LMTK2: variants seen among roughly 807,000 people sequenced by gnomAD.
The protein encoded by LMTK2 is serine/threonine-protein kinase LMTK2.
LMTK2 carries 37 observed loss-of-function variants against 127.5 expected under a neutral mutation model. The ratio of observed to expected loss-of-function variants is 0.29; its 90% CI spans 0.22 to 0.38. The LOEUF (loss-of-function observed/expected upper bound fraction) is 0.38. Ranked by LOEUF, LMTK2 falls within the 10% of genes least tolerant of loss-of-function variation. The pLI, the probability that LMTK2 is intolerant of heterozygous loss-of-function variation, is 1.00. For missense variants in LMTK2, 1,694 were observed against 1,920.3 expected (o/e 0.88, Z 2.20); for synonymous variants, 819 against 810.1 (o/e 1.01, Z -0.19).
Position 98,193,658 on chromosome 7 carries a change from A to G in LMTK2, c.3193A>G (p.Ser1065Gly). ...EPATTGDGGH[S>G]GLPPNPVIVI... ...AGCCACCACGGGCGATGGCGGCCACAGCGGTCTGCCTCCCAACCCGGTCAT... is the reference window on the plus strand; with the variant it reads ...AGCCACCACGGGCGATGGCGGCCACGGCGGTCTGCCTCCCAACCCGGTCAT... The change falls in exon 11 of 14, where the codon AGC becomes GGC. Residue 1065 changes from serine (S) to glycine (G), a missense_variant. Around this residue, in one of 8 missense-constraint regions of LMTK2, gnomAD observed 65 missense variants for 116.5 expected, o/e 0.56. Coordinates refer to ENST00000297293, the MANE Select transcript of LMTK2 (RefSeq NM_014916.4). This position sits in a 1 kb window ranked among gnomAD's most constrained non-coding sequence, Gnocchi z 4.1. 6.2e-7 allele frequency: 1 copy of G among 1,613,756 alleles called. No individual in the cohort carries two copies. Among genetic ancestry groups the G allele is most frequent in the South Asian group, 1.1e-5 (1 of 91,062 alleles).
rs981264698 is a variant in LMTK2 at position 98,171,765 on chromosome 7, G to A, written c.791+91G>A. Reference sequence around the variant, plus strand: ...GAGTTTGTGAAACTTAAGGAGGACAGGAGGTGGCAGAATGAACCCAGCTCA... The same window carrying A: ...GAGTTTGTGAAACTTAAGGAGGACAAGAGGTGGCAGAATGAACCCAGCTCA... On this transcript the variant is annotated intron_variant, in intron 7 of 13. Transcript: ENST00000297293. This position sits in a 1 kb window ranked among gnomAD's most constrained non-coding sequence, Gnocchi z 5.1. The A allele has an allele frequency of 2.5e-5, 34 of 1,386,458 alleles. No homozygotes were observed. The highest frequency in any genetic ancestry group is 3.0e-5 in the Admixed American group (1 of 33,780). The allele number at this position is 1,386,458 out of a possible 1,614,324, so 85.9% of individuals were successfully genotyped here. A position where few individuals can be genotyped will look rare whatever the true frequency, so the allele number is the denominator to read the frequency against.
At chr7:98,141,628 G>A in intron 3 of LMTK2, 87 bp downstream of exon 3, 1 of 1,249,414 alleles carries the variant, frequency 8.0e-7, no homozygotes, top group East Asian at 2.3e-5. Flanking sequence ...ATATTGGACT[G>A]CCCATCTCCT....
chr7:98,155,007 A>G (rs1338811125), intron 5 of LMTK2, 131 bp downstream of exon 5: 7 of 611,598 alleles, frequency 1.1e-5, no homozygotes, highest in Non-Finnish European at 2.0e-5. Flanking sequence ...CATAAGACCT[A>G]AAATGTCCAG....
chr7:98,157,535 G>A (rs1796945234), intron 5 of LMTK2, among the ~76,000 whole-genome samples: 1 of 151,144 alleles, frequency 6.6e-6, no homozygotes, highest in Non-Finnish European at 1.5e-5. Flanking sequence ...ATTGTTCATA[G>A]CAGCTTTATT....
intron 1 of LMTK2, among the ~76,000 whole-genome samples, chr7:98,113,762 G>A (rs1421363571): frequency 6.6e-6 from 1 of 152,166 alleles, no homozygotes; most frequent in African/African-American, 2.4e-5. Flanking sequence ...TGAAGATACT[G>A]TTGCAGAAAA....
chr7:98,205,422 A>T (rs1238301989), intron 13 of LMTK2, 42 bp from the exon 14 acceptor site: 18 of 1,613,016 alleles, frequency 1.1e-5, no homozygotes, highest in East Asian at 2.2e-5. Context: ...TGATCATTTT[A>T]AAAACCCAGC....
intron 1 of LMTK2, among the ~76,000 whole-genome samples, chr7:98,131,909 T>A (rs958209622): frequency 1.2e-4 from 18 of 152,318 alleles, no homozygotes; most frequent in African/African-American, 4.1e-4. Flanking sequence ...GCAGCTCTAC[T>A]TCCTGAACCG....
intron 5 of LMTK2, among the ~76,000 whole-genome samples, chr7:98,155,905 A>T (rs1195109592): frequency 6.6e-6 from 1 of 152,178 alleles, no homozygotes; most frequent in Non-Finnish European, 1.5e-5. Flanking sequence ...TTGCGTTGTG[A>T]TAGACCTTGG....
At chr7:98,169,904 ACAGCAATGC>A (rs1282617500) in intron 6 of LMTK2, among the ~76,000 whole-genome samples, 1 of 152,214 alleles carries the variant, frequency 6.6e-6, no homozygotes, top group Non-Finnish European at 1.5e-5. Flanking sequence ...TGTATGAAGG[ACAGCAATGC>A]CAGGTGCACG....
At chr7:98,122,724 G>GTA (rs1380854735) in intron 1 of LMTK2, among the ~76,000 whole-genome samples, 1 of 21,942 alleles carries the variant, frequency 4.6e-5, no homozygotes, top group African/African-American at 1.5e-4. Context: ...GTGTGTGTGT[G>GTA]TGTATATATA....
intron 1 of LMTK2, among the ~76,000 whole-genome samples, chr7:98,117,780 A>G (rs1796307720): frequency 2.0e-5 from 3 of 152,118 alleles, no homozygotes; most frequent in African/African-American, 7.2e-5. Context: ...TAGCCTGACC[A>G]ACGTGGTAAA....
chr7:98,109,576 T>C (rs916650232), intron 1 of LMTK2, among the ~76,000 whole-genome samples: 2 of 151,780 alleles, frequency 1.3e-5, no homozygotes, highest in African/African-American at 4.8e-5. Context: ...AAATTCCCTC[T>C]CTACTAAATA....
intron 4 of LMTK2, among the ~76,000 whole-genome samples, chr7:98,152,670 G>A (rs945544270): frequency 2.2e-4 from 34 of 152,306 alleles, no homozygotes; most frequent in Admixed American, 7.8e-4. Context: ...AGGGCAGGCA[G>A]GTGATCTGGG....
At chr7:98,151,325 TTA>T in intron 3 of LMTK2, 55 bp from the exon 4 acceptor site, 1 of 1,158,346 alleles carries the variant, frequency 8.6e-7, no homozygotes, top group Non-Finnish European at 1.3e-6. Context: ...ACTTTATAGG[TTA>T]TATATTTAAT....
chr7:98,156,604 T>TA (rs1004284586), intron 5 of LMTK2, among the ~76,000 whole-genome samples: 3 of 152,160 alleles, frequency 2.0e-5, no homozygotes, highest in African/African-American at 4.8e-5. Context: ...GGCAGTTTCT[T>TA]AAAAAAACAA....
At chr7:98,140,142 CT>C (rs373010323) in intron 2 of LMTK2, among the ~76,000 whole-genome samples, 50,523 of 66,742 alleles carry the variant, frequency 0.76, 19,841 homozygotes, top group Middle Eastern at 0.87. Flanking sequence ...TTCTTTCTTT[CT>C]TTTCTTTTCT....
intron 1 of LMTK2, among the ~76,000 whole-genome samples, chr7:98,122,391 C>T (rs1294900283): frequency 6.6e-6 from 1 of 152,142 alleles, no homozygotes; most frequent in Non-Finnish European, 1.5e-5. Context: ...TAGGAATCCG[C>T]AACTGCTGTA....
At position 98,190,775 on chromosome 7, in the gene LMTK2, C is replaced by T; in HGVS notation, c.1046C>T (p.Pro349Leu). 2 of 1,614,080 alleles carry T rather than the reference C, an allele frequency of 1.2e-6. No individual in the cohort carries two copies. The highest frequency in any genetic ancestry group is 2.2e-5 in the East Asian group (1 of 44,878). ...LWELFDNAAQPYSNLSNLDVL... is the reference protein window; with the variant it reads ...LWELFDNAAQLYSNLSNLDVL... ...GAGCTTTTTGACAATGCCGCACAGC[C>T]GTATTCAAACCTTTCCAACTTAGAT... Residue 349 changes from proline (P) to leucine (L), a missense_variant, in exon 10 of 14, where the codon CCG becomes CTG. Physicochemically the swap from Pro to Leu is moderately conservative, Grantham distance 98. Coordinates refer to ENST00000297293, the MANE Select transcript of LMTK2 (RefSeq NM_014916.4).
intron 11 of LMTK2, among the ~76,000 whole-genome samples, chr7:98,198,840 C>T (rs1255294087): frequency 1.3e-5 from 2 of 152,050 alleles, no homozygotes; most frequent in Non-Finnish European, 2.9e-5. Flanking sequence ...TTAGCTGCAC[C>T]CAGCAAATTT....
Sources: gnomAD v4.1 joint callset for allele counts (sites outside exome capture counted in the v4.1 genomes callset) on GRCh38, gnomAD v4.1.1 for gene constraint, gnomAD v4.1.1 regional missense constraint, Gnocchi (gnomAD v3.1) non-coding constraint, MANE v1.5 for transcripts, NCBI Gene and HGNC (gene_info 2026-07-23, HGNC 2026-07-21) for gene names.